PPIC: variants seen among roughly 807,000 people sequenced by gnomAD.
PPIC encodes peptidylprolyl isomerase C.
In PPIC, 19 loss-of-function variants were observed where a neutral mutation model predicts 19.5. That is an observed-to-expected ratio of 0.98 (90% CI 0.68 to 1.43). The LOEUF is 1.43. Ranked by LOEUF, PPIC falls within the 40% of genes most tolerant of loss-of-function variation. The probability of loss-of-function intolerance (pLI) is 0.00; values close to 1 mark genes in which losing one functional copy is unlikely to be tolerated. For synonymous variants in PPIC, 107 were observed against 101.2 expected (o/e 1.06, Z -0.34); for missense variants, 268 against 268.6 (o/e 1.00, Z 0.02).
chr5:123,030,049 C>T (rs1762922158), intron 1 of PPIC, among the ~76,000 whole-genome samples: 1 of 152,198 alleles, frequency 6.6e-6, no homozygotes, highest in South Asian at 2.1e-4. Context: ...CAAAGGACAG[C>T]AAACATTAAG....
Position 123,036,592 on chromosome 5 carries a change from C to G in PPIC, c.34G>C (p.Val12Leu). The G allele has an allele frequency of 6.3e-7, 1 of 1,596,982 alleles. No homozygotes were observed. Among genetic ancestry groups the G allele is most frequent in the Non-Finnish European group, 8.5e-7 (1 of 1,173,244 alleles). Residue 12 changes from valine (V) to leucine (L), a missense_variant, in exon 1 of 5, where the codon GTG becomes CTG. Physicochemically the swap from Val to Leu is conservative, Grantham distance 32. Transcript: ENST00000306442. This position sits in a 1 kb window ranked among gnomAD's most constrained non-coding sequence, Gnocchi z 4.5. The stretch of plus-strand genomic sequence containing the variant: ...AGTGCGCCGAGCCCCACGCAAAGCA[C>G]GAGAGGTAGCAGCAGCCGAGGACCC... The part of the protein sequence containing the change: ...GPGPRLLLPL[V>L]LCVGLGALVF...
At chr5:123,030,283 T>C (rs889735842) in intron 1 of PPIC, among the ~76,000 whole-genome samples, 7 of 152,194 alleles carry the variant, frequency 4.6e-5, no homozygotes, top group Non-Finnish European at 1.0e-4. Context: ...TGAAACAAAA[T>C]TATATGCATT....
intron 1 of PPIC, among the ~76,000 whole-genome samples, chr5:123,030,505 A>G (rs928296751): frequency 6.6e-6 from 1 of 152,262 alleles, no homozygotes; most frequent in African/African-American, 2.4e-5. Flanking sequence ...ATCAGTAAGT[A>G]AAGACTGTCA....
chr5:123,024,624 G>T (rs1485500948), intron 4 of PPIC, among the ~76,000 whole-genome samples: 1 of 152,228 alleles, frequency 6.6e-6, no homozygotes, highest in Non-Finnish European at 1.5e-5. Context: ...GGTTAGGACT[G>T]GGCAAGGAAC....
chr5:123,031,685 C>T (rs529322314), intron 1 of PPIC, among the ~76,000 whole-genome samples: 30 of 152,200 alleles, frequency 2.0e-4, no homozygotes, highest in African/African-American at 6.0e-4. Context: ...GTTACTCAAA[C>T]GGAGAGAAAG....
In PPIC at chr5:123,028,955, G is replaced by T. The variant is rs892923780; in HGVS notation, c.232-87C>A. 5.1e-6 allele frequency: 6 copies of T among 1,186,762 alleles called. No homozygotes were observed. In the African/African-American group the frequency reaches 6.2e-5, roughly 12 times the overall value. 73.5% of individuals were successfully genotyped at this position (1,186,762 alleles called of 1,614,324 possible). ...TGTTGATCTAGAAAGGACAAACTGA[G>T]AAAATTAAACAAAATGCCTACAGAA... On this transcript the variant is annotated intron_variant, in intron 2 of 4. Coordinates refer to ENST00000306442, the MANE Select transcript of PPIC (RefSeq NM_000943.5).
chr5:123,025,409 T>G (rs2150188388), intron 4 of PPIC, among the ~76,000 whole-genome samples: 1 of 152,364 alleles, frequency 6.6e-6, no homozygotes, highest in East Asian at 1.9e-4. Flanking sequence ...AGTATTTGTC[T>G]TCCTACGACT....
chr5:123,024,632 A>G (rs1337567942), intron 4 of PPIC, among the ~76,000 whole-genome samples: 1 of 152,242 alleles, frequency 6.6e-6, no homozygotes, highest in East Asian at 1.9e-4. Context: ...CTGGGCAAGG[A>G]ACAAGAAAGT....
chr5:123,028,906 G>A (rs778969817), intron 2 of PPIC, 38 bp from the exon 3 acceptor site: 1 of 1,484,534 alleles, frequency 6.7e-7, no homozygotes, highest in Non-Finnish European at 9.4e-7. Flanking sequence ...AAGTAACAGA[G>A]GCCATACTGA....
intron 4 of PPIC, 41 bp from the exon 5 acceptor site, chr5:123,024,044 G>T: frequency 6.3e-7 from 1 of 1,577,362 alleles, no homozygotes; most frequent in East Asian, 2.3e-5. Flanking sequence ...ATTCTGACCA[G>T]CAGCTATAGC....
At chr5:123,033,049 G>A (rs1347044291) in intron 1 of PPIC, among the ~76,000 whole-genome samples, 2 of 152,140 alleles carry the variant, frequency 1.3e-5, no homozygotes, top group Non-Finnish European at 2.9e-5. Flanking sequence ...CAGTACATGA[G>A]CTGCGATGTG....
rs764793790 is a variant in PPIC at position 123,036,531 on chromosome 5, C to A, written c.95G>T (p.Arg32Leu). 1.9e-6 allele frequency: 3 copies of A among 1,606,504 alleles called. No homozygotes were observed. The African/African-American group carries it at 4.0e-5, about 21-fold the overall frequency. The stretch of plus-strand genomic sequence containing the variant: ...CACCTTGGCCGTCACCGAGGGGCCT[C>A]GCTTGCGGAAGCCCTCGGCCCCCGA... ...FSSGAEGFRKRGPSVTAKVFF... is the reference protein window; with the variant it reads ...FSSGAEGFRKLGPSVTAKVFF... The change falls in exon 1 of 5, where the codon CGA becomes CTA. Residue 32 changes from arginine to leucine, a missense_variant. Transcript: ENST00000306442. The surrounding 1 kb of genome is among the most constrained non-coding windows in gnomAD (Gnocchi z 4.5).
chr5:123,023,920 C>T lies in PPIC; in HGVS notation c.594G>A (p.Lys198=). ...CCACAAAAGGCGTTTTCACGTCTAT[C>T]TTGCCACTGTTGATGATCGAGCAGT... ...LTNCSIINSG[K]IDVKTPFVVE... Residue 198 remains lysine (K), a synonymous_variant, in exon 5 of 5, where the codon AAG becomes AAA. Coordinates refer to ENST00000306442, the MANE Select transcript of PPIC (RefSeq NM_000943.5). The T allele has an allele frequency of 6.2e-7, 1 of 1,614,050 alleles. No homozygotes were observed. The highest frequency in any genetic ancestry group is 8.5e-7 in the Non-Finnish European group (1 of 1,180,002).
Position 123,036,699 on chromosome 5 carries a change from A to G in PPIC, c.-74T>C. The G allele has an allele frequency of 7.5e-7, 1 of 1,325,442 alleles. No homozygotes were observed. The highest frequency in any genetic ancestry group is 1.0e-6 in the Non-Finnish European group (1 of 964,192). The allele number at this position is 1,325,442 out of a possible 1,614,324, so 82.1% of individuals were successfully genotyped here. Reference sequence around the variant, plus strand: ...CGCGACACAGGCTCTGGGACAGCTGACGGGACTGCCGGCCGGCTGCGCCTG... The same window carrying G: ...CGCGACACAGGCTCTGGGACAGCTGGCGGGACTGCCGGCCGGCTGCGCCTG... On this transcript the variant is annotated 5_prime_UTR_variant, in exon 1 of 5. Transcript: ENST00000306442. This position sits in a 1 kb window ranked among gnomAD's most constrained non-coding sequence, Gnocchi z 4.5.
chr5:123,028,517 A>G (rs1450867703), intron 3 of PPIC: 2 of 375,976 alleles, frequency 5.3e-6, no homozygotes, highest in Non-Finnish European at 9.4e-6. Flanking sequence ...TGGTATTTTA[A>G]TAACTGCAAA....
At position 123,036,365 on chromosome 5, in the gene PPIC, CA is replaced by C; in HGVS notation, c.117+143del. 1.3e-6 allele frequency: 1 copy of C among 741,798 alleles called. No homozygotes were observed. The highest frequency in any genetic ancestry group is 2.2e-6 in the Non-Finnish European group (1 of 444,862). 46.0% of individuals were successfully genotyped at this position (741,798 alleles called of 1,614,324 possible). On this transcript the variant is annotated intron_variant, in intron 1 of 4. Transcript: ENST00000306442. This position sits in a 1 kb window ranked among gnomAD's most constrained non-coding sequence, Gnocchi z 4.5. Reference sequence around the variant, plus strand: ...TCCCAGCACGCGAGCAGCCCCCTCCCACCCAGTCCCGCGGCCGCCTCCAGTC... The same window carrying C: ...TCCCAGCACGCGAGCAGCCCCCTCCCCCCAGTCCCGCGGCCGCCTCCAGTC...
rs150587688 is a variant in PPIC, at chr5:123,029,319, G to C, written c.217C>G (p.Leu73Val). ...TTGAGACATACCTCTCCTGTTGCTAGAGCAACAAAATTTTCCACTGTCTTG... is the reference window on the plus strand; with the variant it reads ...TTGAGACATACCTCTCCTGTTGCTACAGCAACAAAATTTTCCACTGTCTTG... ...VPKTVENFVA[L>V]ATGEKGYGYK... The change falls in exon 2 of 5, where the codon CTA becomes GTA. Residue 73 changes from leucine to valine, a missense_variant. By Grantham distance (32) the Leu-to-Val change is conservative. Coordinates refer to ENST00000306442, the MANE Select transcript of PPIC (RefSeq NM_000943.5). The C allele has an allele frequency of 5.6e-6, 9 of 1,613,866 alleles. No homozygotes were observed. The Admixed American group carries it at 1.0e-4, about 18-fold the overall frequency.
chr5:123,028,988 C>A (rs10066632), intron 2 of PPIC, 120 bp from the exon 3 acceptor site: 684,527 of 911,992 alleles, frequency 0.75, 260,840 homozygotes, highest in East Asian at 0.99. Flanking sequence ...GAACTTGATT[C>A]TATCCCAGCT....
In PPIC at chr5:123,035,787, T is replaced by G. The variant is rs372565179; in HGVS notation, c.117+722A>C. ...GCTGAAAAAAGAACTGAAGCGGAGT[T>G]AAGTACGAGGAAGCCTTAAAGACGC... On this transcript the variant is annotated intron_variant, in intron 1 of 4. Coordinates refer to ENST00000306442, the MANE Select transcript of PPIC (RefSeq NM_000943.5). 1.1e-4 allele frequency among the ~76,000 whole-genome samples: 16 copies of G among 152,330 alleles called. 2 individuals are homozygous for G. The highest frequency in any genetic ancestry group is 3.9e-4 in the East Asian group (2 of 5,172).
Sources: gnomAD v4.1 joint callset for allele counts (sites outside exome capture counted in the v4.1 genomes callset) on GRCh38, gnomAD v4.1.1 for gene constraint, Gnocchi (gnomAD v3.1) non-coding constraint, MANE v1.5 for transcripts, NCBI Gene and HGNC (gene_info 2026-07-23, HGNC 2026-07-21) for gene names.